Variants in GREB1 observed in about 807,000 individuals in gnomAD.
The protein encoded by GREB1 is growth regulating estrogen receptor binding 1.
Under a neutral mutation model 200.7 loss-of-function variants are expected in GREB1, and 106 were observed. That is an observed-to-expected ratio of 0.53 (90% CI 0.45 to 0.62). GREB1 has a LOEUF of 0.62. Among genes scored for constraint, GREB1 ranks in the 20% least tolerant of loss-of-function variants. The pLI is 0.00. For missense variants in GREB1, 2,243 were observed against 2,556.8 expected (o/e 0.88, Z 2.65); for synonymous variants, 1,132 against 1,092.4 (o/e 1.04, Z -0.72).
intron 1 of GREB1, among the ~76,000 whole-genome samples, chr2:11,484,907 G>A (rs1291828825): frequency 6.6e-6 from 1 of 152,198 alleles, no homozygotes; most frequent in African/African-American, 2.4e-5. Context: ...GTACAGTGGC[G>A]CAATCTCGGC....
intron 20 of GREB1, among the ~76,000 whole-genome samples, chr2:11,616,025 C>G (rs958743162): frequency 1.4e-4 from 22 of 152,228 alleles, no homozygotes; most frequent in African/African-American, 5.3e-4. Context: ...GCCATCTTTT[C>G]GAAGCACGGC....
At chr2:11,499,906 A>G (rs1259658902) in intron 1 of GREB1, among the ~76,000 whole-genome samples, 4 of 152,250 alleles carry the variant, frequency 2.6e-5, no homozygotes, top group Non-Finnish European at 5.9e-5. Context: ...ATATCCTTTT[A>G]CATAATTTCT....
At chr2:11,557,036 A>G (rs1256409936) in intron 2 of GREB1, among the ~76,000 whole-genome samples, 1 of 152,238 alleles carries the variant, frequency 6.6e-6, no homozygotes, top group Non-Finnish European at 1.5e-5. Flanking sequence ...GTTGTTACTT[A>G]TGCTCTTATT....
chr2:11,618,276 GTC>G lies in GREB1; in HGVS notation c.3413-7_3413-6del. 6.6e-7 allele frequency: 1 copy of G among 1,510,626 alleles called. No individual in the cohort carries two copies. Among genetic ancestry groups the G allele is most frequent in the Non-Finnish European group, 8.9e-7 (1 of 1,128,420 alleles). 93.6% of individuals were successfully genotyped at this position (1,510,626 alleles called of 1,614,324 possible). A position where few individuals can be genotyped will look rare whatever the true frequency, so the allele number is the denominator to read the frequency against. ...TTCTAGGACGTCCCTGACCATGTTC[GTC>G]TCTCCTCAGGTTCAGCGCTCGGTGG... On this transcript the variant is annotated splice_polypyrimidine_tract_variant and intron_variant, in intron 21 of 32. Coordinates refer to ENST00000381486, the MANE Select transcript of GREB1 (RefSeq NM_014668.4).
intron 1 of GREB1, among the ~76,000 whole-genome samples, chr2:11,500,012 C>T (rs891628971): frequency 6.6e-6 from 1 of 151,770 alleles, no homozygotes; most frequent in African/African-American, 2.4e-5. Context: ...GGCGGAGTCT[C>T]ACTCTGTCAC....
Position 11,600,858 on chromosome 2 carries a change from T to C in GREB1, c.2392T>C (p.Leu798=). The change falls in exon 16 of 33, where the codon TTG becomes CTG. Residue 798 remains leucine, a synonymous_variant. Coordinates refer to ENST00000381486, the MANE Select transcript of GREB1 (RefSeq NM_014668.4). ...CCCGTCGGTGGGATTGGTGGACCGA[T>C]TGCTCAACTGCAGGGAGGTGAAGGA... ...SDPSVGLVDR[L]LNCREVKEAP... is the part of the protein sequence containing the mutation. The C allele has an allele frequency of 6.2e-7, 1 of 1,614,168 alleles. No homozygotes were observed. Among genetic ancestry groups the C allele is most frequent in the Non-Finnish European group, 8.5e-7 (1 of 1,180,014 alleles).
At chr2:11,635,584 G>T (rs1285076482) in intron 30 of GREB1, among the ~76,000 whole-genome samples, 179 bp downstream of exon 30, 2 of 152,208 alleles carry the variant, frequency 1.3e-5, no homozygotes, top group Non-Finnish European at 1.5e-5. Flanking sequence ...AAATGATGGG[G>T]TCTCTCTTCT....
intron 1 of GREB1, among the ~76,000 whole-genome samples, chr2:11,497,970 A>C (rs1288944949): frequency 3.4e-5 from 3 of 88,674 alleles, no homozygotes; most frequent in Admixed American, 1.4e-4. Context: ...GCAGAGCAAA[A>C]CTTTTTTTTT....
chr2:11,608,556 A>G (rs1339356196), intron 17 of GREB1, among the ~76,000 whole-genome samples: 2 of 152,236 alleles, frequency 1.3e-5, no homozygotes, highest in African/African-American at 4.8e-5. Context: ...ACTTGCACAC[A>G]GTTTAATCCT....
chr2:11,627,288 CG>C (rs1424008572), intron 25 of GREB1, among the ~76,000 whole-genome samples, 184 bp downstream of exon 25: 17 of 152,182 alleles, frequency 1.1e-4, no homozygotes, highest in African/African-American at 3.9e-4. Context: ...TAGAGCACCA[CG>C]GTTCTCCTGG....
At chr2:11,489,243 G>A (rs910582241) in intron 1 of GREB1, among the ~76,000 whole-genome samples, 4 of 152,132 alleles carry the variant, frequency 2.6e-5, no homozygotes, top group African/African-American at 9.7e-5. Flanking sequence ...TCAGGGGTTC[G>A]CAGACCAGCC....
chr2:11,594,833 CA>C (rs1340991597), intron 11 of GREB1, among the ~76,000 whole-genome samples: 1 of 152,032 alleles, frequency 6.6e-6, no homozygotes, highest in Non-Finnish European at 1.5e-5. Flanking sequence ...GCTGGGACTA[CA>C]AGGCACCCGC....
At chr2:11,557,808 T>C (rs1676584078) in intron 2 of GREB1, among the ~76,000 whole-genome samples, 1 of 152,200 alleles carries the variant, frequency 6.6e-6, no homozygotes, top group Non-Finnish European at 1.5e-5. Context: ...AAACCATGCA[T>C]TAGGAAAACC....
At chr2:11,520,188 C>A (rs970904522) in intron 1 of GREB1, among the ~76,000 whole-genome samples, 1 of 152,160 alleles carries the variant, frequency 6.6e-6, no homozygotes, top group Non-Finnish European at 1.5e-5. Context: ...TAATACTCAG[C>A]CTTGTTTTAA....
rs558914371 is a variant in GREB1, at chr2:11,499,986, ACT to A, written c.-159+17606_-159+17607del. ...TTGCCCTTTCTGATTAGTAAAGTAT[ACT>A]TTTTTTTTTTTGAGGCGGAGTCTCA... On this transcript the variant is annotated intron_variant, in intron 1 of 2. Transcript: ENST00000628795. Among the ~76,000 whole-genome samples the A allele has an allele frequency of 8.2e-3, 1,232 of 150,488 alleles. 5 individuals are homozygous for A. The highest frequency in any genetic ancestry group is 0.021 in the Middle Eastern group (6 of 292).
rs1163896661 is a variant in GREB1 at position 11,598,535 on chromosome 2, G to GT, written c.2153-139dup. On this transcript the variant is annotated intron_variant, in intron 14 of 32. Transcript: ENST00000381486. The stretch of plus-strand genomic sequence containing the variant: ...TTATGCAGCTGTAACCTGTGTGGGA[G>GT]TTTTTTCCCTTCCTTTCCCTGCTCT... The GT allele has an allele frequency of 7.9e-6, 6 of 755,502 alleles. No homozygotes were observed. In the Admixed American group the frequency reaches 9.4e-5, roughly 12 times the overall value. The allele number at this position is 755,502 out of a possible 1,614,324, so 46.8% of individuals were successfully genotyped here. A position where few individuals can be genotyped will look rare whatever the true frequency, so the allele number is the denominator to read the frequency against.
Position 11,548,572 on chromosome 2 carries a change from C to A in GREB1, c.-161-7882C>A, listed in dbSNP as rs1675517107. ...CCCATATTCTGATAGAACTTGTAAA[C>A]TCCTTTCAATATTATTGAACACATC... On this transcript the variant is annotated intron_variant, in intron 1 of 32. Transcript: ENST00000381486. This position sits in a 1 kb window ranked among gnomAD's most constrained non-coding sequence, Gnocchi z 5.1. 1.3e-5 allele frequency among the ~76,000 whole-genome samples: 2 copies of A among 152,168 alleles called. No homozygotes were observed. Among genetic ancestry groups the A allele is most frequent in the South Asian group, 4.1e-4 (2 of 4,828 alleles).
intron 1 of GREB1, among the ~76,000 whole-genome samples, chr2:11,496,114 G>A (rs773413918): frequency 1.3e-5 from 2 of 152,236 alleles, no homozygotes; most frequent in East Asian, 1.9e-4. Flanking sequence ...GTGCTGCTGG[G>A]ACTGTCCTTG....
Position 11,597,855 on chromosome 2 carries a change from T to A in GREB1, c.2029T>A (p.Ser677Thr), listed in dbSNP as rs764998874. 4.3e-6 allele frequency: 7 copies of A among 1,614,030 alleles called. No individual in the cohort carries two copies. Among genetic ancestry groups the A allele is most frequent in the African/African-American group, 1.3e-5 (1 of 74,910 alleles). Residue 677 changes from serine (S) to threonine (T), a missense_variant, in exon 14 of 33, where the codon TCC (serine) becomes ACC (threonine). Transcript: ENST00000381486. The surrounding 1 kb of genome is among the most constrained non-coding windows in gnomAD (Gnocchi z 4.1). ...VAQKLLSHVC[S>T]IADSSTQNLD... ...GCAGAAGCTCCTCTCCCATGTGTGT[T>A]CCATTGCGGATTCCAGCACCCAAAA...
Sources: allele counts gnomAD v4.1 joint callset (sites outside exome capture counted in the v4.1 genomes callset), GRCh38; gene constraint gnomAD v4.1.1; non-coding constraint Gnocchi (gnomAD v3.1); transcripts MANE v1.5; gene names NCBI Gene and HGNC (gene_info 2026-07-23, HGNC 2026-07-21).